Variants in SHROOM4 observed in about 807,000 individuals in gnomAD.
The protein encoded by SHROOM4 is protein Shroom4.
Under a neutral mutation model 80.3 loss-of-function variants are expected in SHROOM4, and 17 were observed. The ratio of observed to expected loss-of-function variants is 0.21; its 90% confidence interval spans 0.14 to 0.32. The LOEUF (loss-of-function observed/expected upper bound fraction) is 0.32, where lower values mean the gene tolerates loss of function less well. Among genes scored for constraint, SHROOM4 ranks in the 10% least tolerant of loss-of-function variants. The pLI is 1.00. For missense variants in SHROOM4, 993 were observed against 1,140.3 expected (o/e 0.87, Z 1.86); for synonymous variants, 400 against 437.5 (o/e 0.91, Z 1.07).
At chrX:50,652,364 C>T (rs1256138523) in intron 2 of SHROOM4, among the ~76,000 whole-genome samples, 1 of 112,174 alleles carries the variant, frequency 8.9e-6, no homozygotes, top group African/African-American at 3.2e-5. Flanking sequence ...TGTTTGGCCA[C>T]ATAAATGTCT....
intron 5 of SHROOM4, among the ~76,000 whole-genome samples, chrX:50,625,283 G>T (rs1301629981): frequency 8.9e-6 from 1 of 111,941 alleles, no homozygotes; most frequent in African/African-American, 3.2e-5. Flanking sequence ...CCAACAATTT[G>T]GGAATGATTA....
At position 50,762,303 on chromosome X, in the gene SHROOM4, ACTTCCTTCCCTT is replaced by A. The variant is rs1557268967; in HGVS notation, c.117+51587_117+51598del. 2.7e-3 allele frequency among the ~76,000 whole-genome samples: 300 copies of A among 112,303 alleles called. 1 individual carries two copies. The highest frequency in any genetic ancestry group is 8.9e-3 in the African/African-American group (275 of 30,941). ...GATGTCATTGTCTTGCTCCACTGCAACTTCCTTCCCTTCAGCCTACTCTGTGCTGTCATTGTT... is the reference window on the plus strand; with the variant it reads ...GATGTCATTGTCTTGCTCCACTGCAACAGCCTACTCTGTGCTGTCATTGTT... On this transcript the variant is annotated intron_variant, in intron 1 of 8. Transcript: ENST00000376020.
At chrX:50,650,687 A>G (rs1557258588) in intron 2 of SHROOM4, among the ~76,000 whole-genome samples, 2 of 111,883 alleles carry the variant, frequency 1.8e-5, no homozygotes, top group Non-Finnish European at 3.8e-5. Flanking sequence ...GAAAAATGTC[A>G]CCATTCTACA....
intron 1 of SHROOM4, among the ~76,000 whole-genome samples, chrX:50,797,240 G>A (rs1418758964): frequency 3.6e-5 from 4 of 111,328 alleles, no homozygotes; most frequent in Non-Finnish European, 7.5e-5. Context: ...TGGCAGCAGA[G>A]TTTGGAGAAG....
intron 1 of SHROOM4, among the ~76,000 whole-genome samples, chrX:50,717,124 T>TA (rs1933975377): frequency 9.0e-6 from 1 of 111,584 alleles, no homozygotes; most frequent in Admixed American, 9.5e-5. Context: ...CTTGTAGGGG[T>TA]AAGGGGGATC....
rs200853564 is a variant in SHROOM4, at chrX:50,795,143, TATG to T, written c.117+18756_117+18758del. Reference sequence around the variant, plus strand: ...TATATATATGATATATATATATATATATGATATATATATATATATATATGATAT... The same window carrying T: ...TATATATATGATATATATATATATATATATATATATATATATATATGATAT... On this transcript the variant is annotated intron_variant, in intron 1 of 8. Coordinates refer to ENST00000376020, the MANE Select transcript of SHROOM4 (RefSeq NM_020717.5). Among the ~76,000 whole-genome samples the T allele has an allele frequency of 8.2e-3, 22 of 2,669 alleles. 2 individuals are homozygous for T. The highest frequency in any genetic ancestry group is 0.075 in the East Asian group (3 of 40). 2.3% of individuals were successfully genotyped at this position (2,669 alleles called of 115,157 possible). A position where few individuals can be genotyped will look rare whatever the true frequency, so the allele number is the denominator to read the frequency against.
chrX:50,636,848 T>C (rs782149185), intron 3 of SHROOM4, among the ~76,000 whole-genome samples: 48 of 111,876 alleles, frequency 4.3e-4, no homozygotes, highest in Middle Eastern at 4.6e-3. Flanking sequence ...GCTACTGCCA[T>C]ATGGTCTTTT....
intron 1 of SHROOM4, among the ~76,000 whole-genome samples, chrX:50,745,040 T>C (rs1291024737): frequency 8.9e-6 from 1 of 111,771 alleles, no homozygotes; most frequent in Non-Finnish European, 1.9e-5. Flanking sequence ...TTATCCTGCA[T>C]TCAAATAGGG....
At chrX:50,678,344 A>G (rs1310258322) in intron 2 of SHROOM4, among the ~76,000 whole-genome samples, 1 of 111,441 alleles carries the variant, frequency 9.0e-6, no homozygotes, top group African/African-American at 3.3e-5. Flanking sequence ...AAATATAGCT[A>G]TATGCCTATC....
Position 50,591,698 on chromosome X carries a change from C to CTTTCTTTCTTTCTTTCT in SHROOM4, c.*4980_*4996dup, listed in dbSNP as rs1569546203. 4.0e-4 allele frequency: 4 copies of CTTTCTTTCTTTCTTTCT among 9,991 alleles called. No homozygotes were observed. The highest frequency in any genetic ancestry group is 1.4e-3 in the Non-Finnish European group (4 of 2,807). 0.8% of individuals were successfully genotyped at this position (9,991 alleles called of 1,213,427 possible). ...CTTTCTTTCTTTCTTTCTTTCTTTTCTTTCTTTCTTTCTTTCTTTCTTTCT... is the reference window on the plus strand; with the variant it reads ...CTTTCTTTCTTTCTTTCTTTCTTTTCTTTCTTTCTTTCTTTCTTTTCTTTCTTTCTTTCTTTCTTTCT... On this transcript the variant is annotated 3_prime_UTR_variant, in exon 9 of 9. Transcript: ENST00000376020.
At chrX:50,671,075 G>C in intron 2 of SHROOM4, among the ~76,000 whole-genome samples, 1 of 111,753 alleles carries the variant, frequency 8.9e-6, no homozygotes, top group Non-Finnish European at 1.9e-5. Flanking sequence ...GGGTGATCAG[G>C]TGCATTGTTA....
At position 50,813,963 on chromosome X, in the gene SHROOM4, G is replaced by C; in HGVS notation, c.56C>G (p.Ala19Gly). 1 of 1,208,044 alleles carries C rather than the reference G, an allele frequency of 8.3e-7. No individual in the cohort carries two copies. The highest frequency in any genetic ancestry group is 1.1e-6 in the Non-Finnish European group (1 of 893,470). Residue 19 changes from alanine to glycine, a missense_variant, in exon 1 of 9, where the codon GCA becomes GGA. By Grantham distance (60) the Ala-to-Gly change is moderately conservative (BLOSUM62 0). Coordinates refer to ENST00000376020, the MANE Select transcript of SHROOM4 (RefSeq NM_020717.5). Reference sequence around the variant, plus strand: ...CCCCTTAAGGGTGAAGCCCCAGGGTGCCCCCCCTTGCAGCTGCACAGGGAC... The same window carrying C: ...CCCCTTAAGGGTGAAGCCCCAGGGTCCCCCCCCTTGCAGCTGCACAGGGAC... ...QYVPVQLQGG[A>G]PWGFTLKGGL...
chrX:50,714,043 G>A (rs1381401421), intron 1 of SHROOM4, among the ~76,000 whole-genome samples: 1 of 111,793 alleles, frequency 8.9e-6, no homozygotes, highest in Admixed American at 9.5e-5. Context: ...TGCTTATTGA[G>A]TTTTCCCAGC....
intron 4 of SHROOM4, among the ~76,000 whole-genome samples, chrX:50,632,761 G>A (rs1557254351): frequency 8.9e-6 from 1 of 111,933 alleles, no homozygotes; most frequent in East Asian, 2.8e-4. Flanking sequence ...TCTCACAAGT[G>A]ATCCATGAGG....
At chrX:50,687,267 C>CTTTTTTTTTTTTTTTTTTT (rs1217867502) in intron 2 of SHROOM4, 1 of 88,820 alleles carries the variant, frequency 1.1e-5, no homozygotes, top group African/African-American at 4.5e-5. Flanking sequence ...ATTTTGGTGT[C>CTTTTTTTTTTTTTTTTTTT]TTTTTTTTTT....
Position 50,602,759 on chromosome X carries a change from A to G in SHROOM4, c.3816T>C (p.Ser1272=). 8.3e-7 allele frequency: 1 copy of G among 1,211,450 alleles called. No homozygotes were observed. Among genetic ancestry groups the G allele is most frequent in the Non-Finnish European group, 1.1e-6 (1 of 895,318 alleles). Residue 1272 remains serine (S), a synonymous_variant, in exon 7 of 9, where the codon TCT becomes TCC. Transcript: ENST00000376020. ...CAGAAATATTGTAATAAGCTGAGTA[A>G]GAGGTAGGGATTCCTGGGGCCCCTG... is the stretch of plus-strand genomic sequence containing the variant. ...PPSGAPGIPT[S]YSAYYNISVA...
chrX:50,642,180 G>A (rs1931627759), intron 2 of SHROOM4, among the ~76,000 whole-genome samples: 1 of 112,487 alleles, frequency 8.9e-6, no homozygotes, highest in Non-Finnish European at 1.9e-5. Context: ...TCAAACTGTA[G>A]TTGTGTGGCC....
rs976612740 is a variant in SHROOM4, at chrX:50,649,315, G to T, written c.270-11007C>A. ...AGTGCTAGAAAGAGGTTGGGGCACG[G>T]TATGGACATGTGGTCACTATCCAGA... On this transcript the variant is annotated intron_variant, in intron 2 of 8. Coordinates refer to ENST00000376020, the MANE Select transcript of SHROOM4 (RefSeq NM_020717.5). Among the ~76,000 whole-genome samples, 3 of 112,098 alleles carry T rather than the reference G, an allele frequency of 2.7e-5. No individual in the cohort carries two copies. The East Asian group carries it at 8.4e-4, about 31-fold the overall frequency.
At position 50,747,615 on chromosome X, in the gene SHROOM4, G is replaced by A. The variant is rs189990577; in HGVS notation, c.118-51678C>T. The stretch of plus-strand genomic sequence containing the variant: ...TGCTTACTGCAATATTTTTACAAGG[G>A]CTATCTTACAAAATTGAGGCCAGTA... On this transcript the variant is annotated intron_variant, in intron 1 of 8. Transcript: ENST00000376020. Among the ~76,000 whole-genome samples, 8 of 112,561 alleles carry A rather than the reference G, an allele frequency of 7.1e-5. No homozygotes were observed. The East Asian group carries it at 1.7e-3, about 24-fold the overall frequency.
Sources: gnomAD v4.1 joint callset for allele counts (sites outside exome capture counted in the v4.1 genomes callset) on GRCh38, gnomAD v4.1.1 for gene constraint, MANE v1.5 for transcripts, NCBI Gene and HGNC (gene_info 2026-07-23, HGNC 2026-07-21) for gene names.